Variants in RRP12 observed in about 807,000 individuals in gnomAD.
RRP12 encodes RRP12-like protein.
RRP12 carries 78 observed loss-of-function variants against 157.3 expected under a neutral mutation model. The observed-to-expected ratio is 0.50, with a 90% CI of 0.41 to 0.60. The LOEUF (loss-of-function observed/expected upper bound fraction) is 0.60, where lower values mean the gene tolerates loss of function less well. Ranked by LOEUF, RRP12 falls within the 20% of genes least tolerant of loss-of-function variation. The pLI, the probability that RRP12 is intolerant of heterozygous loss-of-function variation, is 0.00. For synonymous variants in RRP12, 726 were observed against 670.9 expected, an observed-to-expected ratio of 1.08 and a Z score of -1.27; for missense variants, 1,521 against 1,679.9, an observed-to-expected ratio of 0.91 and a Z score of 1.65.
In RRP12 at chr10:97,380,864, C is replaced by T; in HGVS notation, c.1468G>A (p.Val490Met). 28 of 1,614,196 alleles carry T rather than the reference C, an allele frequency of 1.7e-5. No individual in the cohort carries two copies. The highest frequency in any genetic ancestry group is 2.1e-5 in the Non-Finnish European group (25 of 1,180,030). Residue 490 changes from valine to methionine, a missense_variant, in exon 13 of 34, where the codon GTG becomes ATG. Transcript: ENST00000370992. ...TYKFHAAWSSVLQLLCVFFEA... is the reference protein window; with the variant it reads ...TYKFHAAWSSMLQLLCVFFEA... Reference sequence around the variant, plus strand: ...AAGAAGACACACAGCAGCTGCAACACGGAGCTCCAGGCCGCATGGAATTTG... The same window carrying T: ...AAGAAGACACACAGCAGCTGCAACATGGAGCTCCAGGCCGCATGGAATTTG...
intron 15 of RRP12, among the ~76,000 whole-genome samples, chr10:97,377,862 GA>G (rs953228772): frequency 1.4e-4 from 20 of 141,206 alleles, no homozygotes; most frequent in African/African-American, 3.9e-4. Flanking sequence ...AAAAAAAAAA[GA>G]AAAAAAAAGA....
chr10:97,361,616 T>A (rs1352861523), intron 30 of RRP12, among the ~76,000 whole-genome samples: 1 of 152,176 alleles, frequency 6.6e-6, no homozygotes, highest in Non-Finnish European at 1.5e-5. Flanking sequence ...CCAGGTCCAC[T>A]GGCCGAAGCC....
In RRP12 at chr10:97,371,019, A is replaced by C. The variant is rs1844136581; in HGVS notation, c.2406T>G (p.Pro802=). The C allele has an allele frequency of 1.2e-6, 2 of 1,613,740 alleles. No homozygotes were observed. Among genetic ancestry groups the C allele is most frequent in the African/African-American group, 2.7e-5 (2 of 74,882 alleles). ...GCACGAAGAGGGCCCCGGGGCCCTG[A>C]GGACTGGCACACACCTCCTCCAGCA... ...YRVLEEVCAS[P]QGPGALFVQS... The change falls in exon 21 of 34, where the codon CCT becomes CCG. Residue 802 remains proline (P), a synonymous_variant. Transcript: ENST00000370992.
intron 15 of RRP12, among the ~76,000 whole-genome samples, chr10:97,375,721 T>C (rs1844286829): frequency 6.6e-6 from 1 of 152,158 alleles, no homozygotes; most frequent in Admixed American, 6.6e-5. Flanking sequence ...TAGAACAAAT[T>C]TTTCCTTTTT....
intron 29 of RRP12, among the ~76,000 whole-genome samples, chr10:97,365,571 C>T (rs960153300): frequency 1.3e-5 from 2 of 151,908 alleles, no homozygotes; most frequent in Non-Finnish European, 2.9e-5. Context: ...CCACGCCTGG[C>T]GAAGACCTAA....
chr10:97,359,476 A>C (rs1843789232), intron 31 of RRP12, among the ~76,000 whole-genome samples: 1 of 152,206 alleles, frequency 6.6e-6, no homozygotes, highest in Non-Finnish European at 1.5e-5. Context: ...GATAGCAGGT[A>C]GCTATTTAAC....
intron 15 of RRP12, among the ~76,000 whole-genome samples, chr10:97,377,809 A>C (rs1471593278): frequency 6.7e-6 from 1 of 148,928 alleles, no homozygotes; most frequent in Non-Finnish European, 1.5e-5. Context: ...GCACCTTTGC[A>C]CTCCAGCCTG....
chr10:97,365,793 G>T, intron 29 of RRP12: 2 of 253,364 alleles, frequency 7.9e-6, no homozygotes. Flanking sequence ...GAGGAAGGAA[G>T]AAAAGGAGAA....
chr10:97,400,274 A>G, intron 2 of RRP12, 31 bp downstream of exon 2: 1 of 1,556,428 alleles, frequency 6.4e-7, no homozygotes, highest in Non-Finnish European at 8.9e-7. Flanking sequence ...TCTCCTCACT[A>G]TCCTATGGCC....
Position 97,360,562 on chromosome 10 carries a change from T to A in RRP12, c.3624A>T (p.Ile1208=). The A allele has an allele frequency of 6.2e-7, 1 of 1,613,284 alleles. No individual in the cohort carries two copies. The highest frequency in any genetic ancestry group is 2.2e-5 in the East Asian group (1 of 44,872). ...QKEAEEEELE[I]PPQYQAGGSG... ...AAGCCTCACCTTGGTACTGAGGGGGTATCTCCAGCTCCTCCTCCTCAGCCT... is the reference window on the plus strand; with the variant it reads ...AAGCCTCACCTTGGTACTGAGGGGGAATCTCCAGCTCCTCCTCCTCAGCCT... Residue 1208 remains isoleucine, a synonymous_variant, in exon 31 of 34, where the codon ATA becomes ATT. Transcript: ENST00000370992.
intron 15 of RRP12, among the ~76,000 whole-genome samples, chr10:97,376,883 T>A (rs1844323705): frequency 6.9e-6 from 1 of 145,086 alleles, no homozygotes; most frequent in Non-Finnish European, 1.5e-5. Flanking sequence ...TTTCTTTTCT[T>A]TTTTTTTTTT....
At chr10:97,391,053 C>G (rs928991473) in intron 4 of RRP12, among the ~76,000 whole-genome samples, 13 of 152,240 alleles carry the variant, frequency 8.5e-5, no homozygotes, top group Non-Finnish European at 1.8e-4. Context: ...CTTCCCACTA[C>G]CCACTCCTAA....
At chr10:97,398,994 C>T (rs946887553) in intron 2 of RRP12, among the ~76,000 whole-genome samples, 1 of 152,076 alleles carries the variant, frequency 6.6e-6, no homozygotes, top group Non-Finnish European at 1.5e-5. Context: ...TTAATTTGGG[C>T]CGGGCGCAGT....
rs147440292 is a variant in RRP12, at chr10:97,366,761, C to A, written c.3196G>T (p.Ala1066Ser). ...TCTCACCTGTCACCTTTGCCCTGGGCGGGCTCCTCCTCCTCCTCCTCCTCT... is the reference window on the plus strand; with the variant it reads ...TCTCACCTGTCACCTTTGCCCTGGGAGGGCTCCTCCTCCTCCTCCTCCTCT... ...EEEEEEEEEPAQGKGDSIEEI... is the reference protein window; with the variant it reads ...EEEEEEEEEPSQGKGDSIEEI... The change falls in exon 27 of 34, where the codon GCC becomes TCC. Residue 1066 changes from alanine to serine, a missense_variant. Physicochemically the swap from Ala to Ser is moderately conservative, Grantham distance 99. Coordinates refer to ENST00000370992, the MANE Select transcript of RRP12 (RefSeq NM_015179.4). The A allele has an allele frequency of 1.9e-6, 3 of 1,613,616 alleles. 1 individual carries two copies. Among genetic ancestry groups the A allele is most frequent in the Non-Finnish European group, 8.5e-7 (1 of 1,179,726 alleles).
At chr10:97,366,985 C>G in intron 26 of RRP12, 56 bp downstream of exon 26, 1 of 1,610,604 alleles carries the variant, frequency 6.2e-7, no homozygotes, top group Non-Finnish European at 8.5e-7. Flanking sequence ...CCTGGTAGGA[C>G]TGGAAATCCT....
chr10:97,384,777 C>A (rs145377512), intron 10 of RRP12, among the ~76,000 whole-genome samples: 8,067 of 151,496 alleles, frequency 0.053, 260 homozygotes, highest in Non-Finnish European at 0.063. Context: ...CCCTGAGGAC[C>A]CCCAATCTCG....
intron 33 of RRP12, 50 bp from the exon 34 acceptor site, chr10:97,357,246 C>T (rs775758737): frequency 1.1e-5 from 13 of 1,232,644 alleles, no homozygotes; most frequent in Non-Finnish European, 1.5e-5. Context: ...AATAGGAGGC[C>T]CCCTCCTGTT....
rs1475773 is a variant in RRP12 at position 97,365,054 on chromosome 10, C to A, written c.3517+1054G>T. Among the ~76,000 whole-genome samples the A allele has an allele frequency of 2.7e-3, 411 of 152,120 alleles. 1 individual carries two copies. The highest frequency in any genetic ancestry group is 9.6e-3 in the African/African-American group (398 of 41,470). On this transcript the variant is annotated intron_variant, in intron 29 of 33. Transcript: ENST00000370992. ...ACACCGATTCATCTTCATTCCAACC[C>A]GGAAAAGTGGGTATTAGGATTGTAT...
chr10:97,371,141 C>T (rs867461870), intron 20 of RRP12, 60 bp from the exon 21 acceptor site: 20 of 1,550,952 alleles, frequency 1.3e-5, no homozygotes, highest in East Asian at 6.9e-5. Context: ...ATGCTATCCA[C>T]GGAGCATCCC....
Sources: gnomAD v4.1 joint callset for allele counts (sites outside exome capture counted in the v4.1 genomes callset) on GRCh38, gnomAD v4.1.1 for gene constraint, MANE v1.5 for transcripts, NCBI Gene and HGNC (gene_info 2026-07-23, HGNC 2026-07-21) for gene names.